SOX5: variants seen among roughly 807,000 people sequenced by gnomAD.
The protein encoded by SOX5 is transcription factor SOX-5.
A neutral mutation model predicts 92.0 loss-of-function variants in SOX5; 9 were observed. The ratio of observed to expected loss-of-function variants is 0.10; its 90% CI spans 0.06 to 0.17. SOX5 has a LOEUF of 0.17. SOX5 is among the 10% of genes least tolerant of loss of function. SOX5 has a pLI of 1.00. For missense variants in SOX5, 642 were observed against 944.5 expected (o/e 0.68, Z 4.20); for synonymous variants, 344 against 336.3 (o/e 1.02, Z -0.25).
At chr12:23,648,645 G>A (rs140284540) in intron 7 of SOX5, among the ~76,000 whole-genome samples, 1 of 151,242 alleles carries the variant, frequency 6.6e-6, no homozygotes, top group South Asian at 2.1e-4. Context: ...TGCAAAGAGT[G>A]GTATCAGAAG....
chr12:23,819,502 C>T (rs561164041), intron 3 of SOX5, among the ~76,000 whole-genome samples: 2 of 152,154 alleles, frequency 1.3e-5, no homozygotes, highest in South Asian at 2.1e-4. Flanking sequence ...TAGGTATACA[C>T]GTGTCATGGT....
At chr12:23,549,145 T>G (rs1393173235) in intron 11 of SOX5, among the ~76,000 whole-genome samples, 2 of 152,036 alleles carry the variant, frequency 1.3e-5, no homozygotes, top group African/African-American at 4.8e-5. Flanking sequence ...AATATTTTGA[T>G]TCTCAAATTT....
intron 2 of SOX5, among the ~76,000 whole-genome samples, chr12:24,357,612 G>A (rs11047391): frequency 0.4 from 60,204 of 151,934 alleles, 13,323 homozygotes; most frequent in East Asian, 0.79. Flanking sequence ...GGAGGCCGAG[G>A]CGGGTGGATT....
chr12:23,722,697 C>T (rs1160668423), intron 6 of SOX5, among the ~76,000 whole-genome samples: 1 of 152,098 alleles, frequency 6.6e-6, no homozygotes, highest in Non-Finnish European at 1.5e-5. Context: ...TCATTTTAAA[C>T]GTCTTTTAGT....
chr12:24,410,154 T>G (rs1282522689), intron 1 of SOX5, among the ~76,000 whole-genome samples: 1 of 152,054 alleles, frequency 6.6e-6, no homozygotes, highest in Non-Finnish European at 1.5e-5. Flanking sequence ...CATGCCACCA[T>G]GTCTGGCTAA....
At chr12:24,030,971 T>C (rs1955439007) in intron 4 of SOX5, among the ~76,000 whole-genome samples, 2 of 151,782 alleles carry the variant, frequency 1.3e-5, no homozygotes, top group East Asian at 1.9e-4. Context: ...ATCAGGGAAA[T>C]GCAAATTAAA....
rs955500332 is a variant in SOX5, at chr12:23,657,313, T to C, written c.931+8131A>G. On this transcript the variant is annotated intron_variant, in intron 7 of 14. Transcript: ENST00000451604. ...TCTTTCATCATGTTTAAGCTAGTAC[T>C]ATTTTGGCCTTTTACAGCAGCTAAA... Among the ~76,000 whole-genome samples, 11 of 152,328 alleles carry C rather than the reference T, an allele frequency of 7.2e-5. No homozygotes were observed. In the South Asian group the frequency reaches 8.3e-4, roughly 11 times the overall value.
intron 3 of SOX5, among the ~76,000 whole-genome samples, chr12:23,806,061 G>A (rs2095764612): frequency 6.6e-6 from 1 of 151,962 alleles, no homozygotes; most frequent in African/African-American, 2.4e-5. Context: ...ATTTTTTTCT[G>A]ACAAAACAAA....
intron 6 of SOX5, among the ~76,000 whole-genome samples, chr12:23,678,930 ATTATAACTTGTATAAAAAATT>A (rs2086133151): frequency 6.6e-6 from 1 of 152,152 alleles, no homozygotes; most frequent in African/African-American, 2.4e-5. Context: ...ATCAAAATAA[ATTATAACTTGTATAAAAAATT>A]TTAAATGACA....
intron 1 of SOX5, among the ~76,000 whole-genome samples, chr12:24,411,385 T>C (rs939296021): frequency 3.3e-5 from 5 of 152,306 alleles, no homozygotes; most frequent in South Asian, 2.1e-4. Context: ...TCCCTTGACC[T>C]TGTTCCTGAT....
intron 4 of SOX5, among the ~76,000 whole-genome samples, chr12:24,071,506 C>A (rs766643743): frequency 2.2e-4 from 34 of 152,300 alleles, no homozygotes; most frequent in Middle Eastern, 3.4e-3. Flanking sequence ...GCGATCTCGG[C>A]TCACTGCAAG....
chr12:23,879,391 A>C (rs757376085), intron 2 of SOX5, among the ~76,000 whole-genome samples: 2 of 152,208 alleles, frequency 1.3e-5, no homozygotes, highest in African/African-American at 2.4e-5. Flanking sequence ...AATTTCAATA[A>C]TCGCTCTTTA....
chr12:24,495,133 T>C (rs749835862), intron 1 of SOX5, among the ~76,000 whole-genome samples: 9 of 152,222 alleles, frequency 5.9e-5, no homozygotes, highest in African/African-American at 2.2e-4. Context: ...TATACCCTGA[T>C]GTTTACTCAA....
At chr12:24,057,481 G>A (rs1477995618) in intron 4 of SOX5, among the ~76,000 whole-genome samples, 1 of 152,078 alleles carries the variant, frequency 6.6e-6, no homozygotes, top group Non-Finnish European at 1.5e-5. Flanking sequence ...TATTTTAAAT[G>A]AAAGGTGCAT....
intron 11 of SOX5, among the ~76,000 whole-genome samples, chr12:23,549,760 G>A (rs538524798): frequency 1.1e-3 from 163 of 151,958 alleles, no homozygotes; most frequent in Middle Eastern, 0.01. Flanking sequence ...GCAAAGATGA[G>A]TCTTATCTGC....
At chr12:23,612,061 T>A (rs1054008374) in intron 8 of SOX5, among the ~76,000 whole-genome samples, 3 of 152,144 alleles carry the variant, frequency 2.0e-5, no homozygotes, top group Non-Finnish European at 2.9e-5. Context: ...GATAAGAGCA[T>A]GCATACCATT....
chr12:24,220,376 C>T (rs1015436649), intron 3 of SOX5, among the ~76,000 whole-genome samples: 1 of 150,328 alleles, frequency 6.7e-6, no homozygotes, highest in Non-Finnish European at 1.5e-5. Context: ...GATGCACACA[C>T]ATTCACACGA....
At chr12:23,890,339 A>G (rs2097116114) in intron 2 of SOX5, among the ~76,000 whole-genome samples, 1 of 152,016 alleles carries the variant, frequency 6.6e-6, no homozygotes, top group Admixed American at 6.6e-5. Flanking sequence ...AAAAAAAATT[A>G]CACTGTTCAC....
intron 1 of SOX5, among the ~76,000 whole-genome samples, chr12:24,403,280 C>T (rs1258921843): frequency 6.6e-6 from 1 of 152,180 alleles, no homozygotes; most frequent in Admixed American, 6.5e-5. Flanking sequence ...GGCCACTCTC[C>T]CTAAGTATTG....
Sources: allele counts gnomAD v4.1 joint callset (sites outside exome capture counted in the v4.1 genomes callset), GRCh38; gene constraint gnomAD v4.1.1; transcripts MANE v1.5; gene names NCBI Gene and HGNC (gene_info 2026-07-23, HGNC 2026-07-21).